PTPRZ1: variants seen among roughly 807,000 people sequenced by gnomAD.
The protein encoded by PTPRZ1 is receptor-type tyrosine-protein phosphatase zeta.
In PTPRZ1, 82 loss-of-function variants were observed where a neutral mutation model predicts 214.1. The ratio of observed to expected loss-of-function variants is 0.38; its 90% confidence interval spans 0.32 to 0.46. The LOEUF (loss-of-function observed/expected upper bound fraction) is 0.46. Ranked by LOEUF, PTPRZ1 falls within the 20% of genes least tolerant of loss-of-function variation. The pLI, the probability that PTPRZ1 is intolerant of heterozygous loss-of-function variation, is 1.00. For missense variants in PTPRZ1, 2,603 were observed against 2,748.7 expected (o/e 0.95, Z 1.19); for synonymous variants, 945 against 987.9 (o/e 0.96, Z 0.81).
intron 1 of PTPRZ1, among the ~76,000 whole-genome samples, chr7:121,892,189 C>T (rs1207435335): frequency 1.3e-5 from 2 of 152,112 alleles, no homozygotes; most frequent in African/African-American, 4.8e-5. Flanking sequence ...AACTTGTTTT[C>T]TGTGTAAGAC....
intron 6 of PTPRZ1, 24 bp downstream of exon 6, chr7:121,976,875 T>C (rs1584703072): frequency 1.3e-6 from 2 of 1,585,852 alleles, no homozygotes; most frequent in East Asian, 4.5e-5. Flanking sequence ...GGAACTATCT[T>C]TCTTCAGGAT....
intron 1 of PTPRZ1, among the ~76,000 whole-genome samples, chr7:121,902,299 T>G (rs1186364968): frequency 6.6e-6 from 1 of 152,216 alleles, no homozygotes; most frequent in Non-Finnish European, 1.5e-5. Context: ...TGAATAGTGC[T>G]GCAATAATAG....
chr7:121,955,506 G>T (rs141240632), intron 2 of PTPRZ1, among the ~76,000 whole-genome samples: 170 of 152,170 alleles, frequency 1.1e-3, no homozygotes, highest in African/African-American at 3.9e-3. Context: ...CAAGACTGCA[G>T]CAACAAAGGA....
chr7:121,951,959 A>ATTTTTTT (rs1167301850), intron 2 of PTPRZ1, among the ~76,000 whole-genome samples: 1 of 68,262 alleles, frequency 1.5e-5, no homozygotes. Flanking sequence ...GTATTTATTT[A>ATTTTTTT]TTTATTTTTT....
rs1048048379 is a variant in PTPRZ1, at chr7:122,056,274, T to A, written c.6528+1187T>A. Among the ~76,000 whole-genome samples the A allele has an allele frequency of 2.0e-5, 3 of 151,956 alleles. No homozygotes were observed. The East Asian group carries it at 5.8e-4, about 29-fold the overall frequency. On this transcript the variant is annotated intron_variant, in intron 27 of 29. Coordinates refer to ENST00000393386, the MANE Select transcript of PTPRZ1 (RefSeq NM_002851.3). ...TCACTGATCATGTTTAATATCTTGC[T>A]CAGCACTGGGAAATTAGCACTGTTT...
chr7:122,044,520 C>T lies in PTPRZ1; in HGVS notation c.6036C>T (p.Leu2012=), dbSNP rs146163067. The T allele has an allele frequency of 1.3e-4, 202 of 1,613,872 alleles. No individual in the cohort carries two copies. In the African/African-American group the frequency reaches 1.7e-3, roughly 13 times the overall value. ...ATATTCATGCCTATGTTAATGCACT[C>T]CTCATTCCTGGACCAGCAGGCAAAA... ...DSHIHAYVNA[L]LIPGPAGKTK... is the part of the protein sequence containing the mutation. Residue 2012 remains leucine (L), a synonymous_variant, in exon 23 of 30, where the codon CTC becomes CTT. Transcript: ENST00000393386.
intron 1 of PTPRZ1, among the ~76,000 whole-genome samples, chr7:121,875,477 C>G (rs1016684463): frequency 2.0e-5 from 3 of 152,078 alleles, no homozygotes; most frequent in Non-Finnish European, 2.9e-5. Context: ...TTATTTGTAG[C>G]CTATTTTTGG....
rs777380035 is a variant in PTPRZ1 at position 121,996,521 on chromosome 7, G to A, written c.1068G>A (p.Glu356=). 6.2e-7 allele frequency: 1 copy of A among 1,612,356 alleles called. No individual in the cohort carries two copies. The highest frequency in any genetic ancestry group is 8.5e-7 in the Non-Finnish European group (1 of 1,179,006). Residue 356 remains glutamate, a synonymous_variant, in exon 9 of 30, where the codon GAG becomes GAA. Transcript: ENST00000393386. The part of the protein sequence containing the change: ...FAVLYQQLDG[E]DQTKHEFLTD... The stretch of plus-strand genomic sequence containing the variant: ...TTTTGTACCAGCAGTTGGATGGAGA[G>A]GACCAAACCAAGCATGAATTTTTGA...
chr7:121,948,583 G>A (rs1052525642), intron 2 of PTPRZ1, among the ~76,000 whole-genome samples: 1 of 152,188 alleles, frequency 6.6e-6, no homozygotes, highest in African/African-American at 2.4e-5. Context: ...GCCATCTGGT[G>A]ACAAGTAGAG....
intron 1 of PTPRZ1, among the ~76,000 whole-genome samples, chr7:121,883,543 T>C (rs1794303718): frequency 6.6e-6 from 1 of 152,256 alleles, no homozygotes; most frequent in Non-Finnish European, 1.5e-5. Flanking sequence ...TTACAACTTG[T>C]ATTTTATATA....
rs1798698570 is a variant in PTPRZ1, at chr7:122,012,381, A to C, written c.3335A>C (p.Asp1112Ala). ...SLAHTTTKVFDHEISQVPENN... is the reference protein window; with the variant it reads ...SLAHTTTKVFAHEISQVPENN... Reference sequence around the variant, plus strand: ...GCTCATACCACCACTAAGGTTTTTGATCATGAGATTAGTCAAGTTCCAGAA... The same window carrying C: ...GCTCATACCACCACTAAGGTTTTTGCTCATGAGATTAGTCAAGTTCCAGAA... Residue 1112 changes from aspartate (D) to alanine (A), a missense_variant, in exon 12 of 30, where the codon GAT becomes GCT. Asp to Ala is a moderately radical substitution (Grantham distance 126, BLOSUM62 -2). Transcript: ENST00000393386. The C allele has an allele frequency of 6.2e-7, 1 of 1,613,836 alleles. No individual in the cohort carries two copies. The highest frequency in any genetic ancestry group is 8.5e-7 in the Non-Finnish European group (1 of 1,179,860).
chr7:121,894,873 A>G (rs1794741616), intron 1 of PTPRZ1, among the ~76,000 whole-genome samples: 1 of 152,186 alleles, frequency 6.6e-6, no homozygotes, highest in South Asian at 2.1e-4. Context: ...TTTGTCATAT[A>G]TAATTTTTTA....
chr7:122,022,011 A>G (rs1799031526), intron 13 of PTPRZ1, among the ~76,000 whole-genome samples: 1 of 152,186 alleles, frequency 6.6e-6, no homozygotes, highest in African/African-American at 2.4e-5. Flanking sequence ...TACATTTGTA[A>G]ACAATATGAT....
Position 121,957,864 on chromosome 7 carries a change from T to A in PTPRZ1, c.125-10087T>A, listed in dbSNP as rs185140525. Among the ~76,000 whole-genome samples, 968 of 152,328 alleles carry A rather than the reference T, an allele frequency of 6.4e-3. 19 individuals are homozygous for A. Among genetic ancestry groups the A allele is most frequent in the Non-Finnish European group, 6.7e-3 (456 of 68,036 alleles). On this transcript the variant is annotated intron_variant, in intron 2 of 29. Transcript: ENST00000393386. ...AGATTTCTCACTTCCCTATTCTAAATATAGCTAAATCCATATGAATACATA... is the reference window on the plus strand; with the variant it reads ...AGATTTCTCACTTCCCTATTCTAAAAATAGCTAAATCCATATGAATACATA...
At chr7:121,993,467 C>T (rs1439337768) in intron 8 of PTPRZ1, among the ~76,000 whole-genome samples, 2 of 146,774 alleles carry the variant, frequency 1.4e-5, no homozygotes, top group Admixed American at 6.9e-5. Flanking sequence ...CCCAGCTGCT[C>T]GGGAGGCTGA....
In PTPRZ1 at chr7:122,058,789, T is replaced by C. The variant is rs1254347003; in HGVS notation, c.6529-11T>C. 1 of 1,595,088 alleles carries C rather than the reference T, an allele frequency of 6.3e-7. No individual in the cohort carries two copies. The highest frequency in any genetic ancestry group is 8.6e-7 in the Non-Finnish European group (1 of 1,167,108). ...CACTAACTAACATTACTTTGTGTTT[T>C]CTTGTTATAGGATGATTATGTACTT... On this transcript the variant is annotated splice_polypyrimidine_tract_variant and intron_variant, in intron 27 of 29. Transcript: ENST00000393386.
chr7:122,059,768 G>A lies in PTPRZ1; in HGVS notation c.6687G>A (p.Thr2229=), dbSNP rs774140025. The change falls in exon 29 of 30, where the codon ACG becomes ACA. Residue 2229 remains threonine (T), a synonymous_variant. Coordinates refer to ENST00000393386, the MANE Select transcript of PTPRZ1 (RefSeq NM_002851.3). Reference sequence around the variant, plus strand: ...TTTTTACAAGGCATGGAGGAGTGACGGCAGGAACTTTCTGTGCTCTGACAA... The same window carrying A: ...TTTTTACAAGGCATGGAGGAGTGACAGCAGGAACTTTCTGTGCTCTGACAA... ...MIVHDEHGGV[T]AGTFCALTTL... is the part of the protein sequence containing the mutation. The A allele has an allele frequency of 1.2e-5, 19 of 1,610,980 alleles. No individual in the cohort carries two copies. The highest frequency in any genetic ancestry group is 6.7e-5 in the East Asian group (3 of 44,832).
intron 2 of PTPRZ1, among the ~76,000 whole-genome samples, chr7:121,932,114 C>T (rs1223548189): frequency 6.6e-6 from 1 of 152,058 alleles, no homozygotes; most frequent in Non-Finnish European, 1.5e-5. Flanking sequence ...ATTTTACAAC[C>T]CTTCGTTTAG....
chr7:122,025,271 T>G (rs1011059167), intron 13 of PTPRZ1, among the ~76,000 whole-genome samples: 4 of 151,766 alleles, frequency 2.6e-5, no homozygotes, highest in African/African-American at 9.7e-5. Context: ...GTCCAGGAAA[T>G]GAAGATTACT....
Sources: allele counts gnomAD v4.1 joint callset (sites outside exome capture counted in the v4.1 genomes callset), GRCh38; gene constraint gnomAD v4.1.1; transcripts MANE v1.5; gene names NCBI Gene and HGNC (gene_info 2026-07-23, HGNC 2026-07-21).